Variants in AGAP1 observed in about 807,000 individuals in gnomAD.
AGAP1 encodes the protein ArfGAP with GTPase domain, ankyrin repeat and PH domain 1, also known as arf-GAP with GTPase, ANK repeat and PH domain-containing protein 1.
Under a neutral mutation model 105.3 loss-of-function variants are expected in AGAP1, and 29 were observed. That is an observed-to-expected ratio of 0.28 (90% CI 0.21 to 0.38). AGAP1 has a LOEUF of 0.38. Ranked by LOEUF, AGAP1 falls within the 10% of genes least tolerant of loss-of-function variation. The pLI is 1.00. For missense variants in AGAP1, 998 were observed against 1,165.1 expected, an observed-to-expected ratio of 0.86 and a Z score of 2.09; for synonymous variants, 509 against 485.9, an observed-to-expected ratio of 1.05 and a Z score of -0.63.
chr2:235,653,931 C>G (rs1447187348), intron 1 of AGAP1, among the ~76,000 whole-genome samples: 3 of 152,188 alleles, frequency 2.0e-5, no homozygotes, highest in Non-Finnish European at 4.4e-5. Context: ...TGGCAGGCGC[C>G]TGTAATCCCA....
intron 10 of AGAP1, among the ~76,000 whole-genome samples, chr2:235,890,830 A>G (rs1354977939): frequency 6.6e-6 from 1 of 152,088 alleles, no homozygotes; most frequent in Non-Finnish European, 1.5e-5. Context: ...GTGAGCTCTA[A>G]AACTTTCACC....
At chr2:235,767,227 G>T (rs1955034929) in intron 6 of AGAP1, among the ~76,000 whole-genome samples, 1 of 152,026 alleles carries the variant, frequency 6.6e-6, no homozygotes, top group Non-Finnish European at 1.5e-5. Context: ...CTTCTTTATA[G>T]AGTATAATAA....
intron 1 of AGAP1, among the ~76,000 whole-genome samples, chr2:235,598,436 A>C (rs199863704): frequency 6.6e-6 from 1 of 152,210 alleles, no homozygotes; most frequent in Non-Finnish European, 1.5e-5. Flanking sequence ...ACCAGAAATA[A>C]GCCATAGGAG....
At chr2:235,604,836 C>T (rs1945870212) in intron 1 of AGAP1, among the ~76,000 whole-genome samples, 1 of 151,666 alleles carries the variant, frequency 6.6e-6, no homozygotes, top group African/African-American at 2.4e-5. Flanking sequence ...CCCGCCTCTT[C>T]CTCCCAAAGT....
At chr2:236,081,683 T>TG (rs2058787320) in intron 16 of AGAP1, among the ~76,000 whole-genome samples, 1 of 151,958 alleles carries the variant, frequency 6.6e-6, no homozygotes, top group Admixed American at 6.6e-5. Flanking sequence ...TTTTTTTTTT[T>TG]TGCAGGGCAA....
At chr2:236,029,269 T>C (rs2057149614) in intron 13 of AGAP1, among the ~76,000 whole-genome samples, 1 of 150,324 alleles carries the variant, frequency 6.7e-6, no homozygotes, top group East Asian at 1.9e-4. Context: ...CTTCCTGAAA[T>C]ACATCCTTTT....
chr2:236,116,118 T>C (rs1024400651), intron 16 of AGAP1, among the ~76,000 whole-genome samples: 8 of 148,094 alleles, frequency 5.4e-5, no homozygotes, highest in Non-Finnish European at 1.0e-4. Context: ...AAACTTTTGT[T>C]TTTTTGTTTG....
rs1378984007 is a variant in AGAP1 at position 236,045,498 on chromosome 2, G to A, written c.1892-3561G>A. The stretch of plus-strand genomic sequence containing the variant: ...CCTCATTTCTCTGGAGGGGAGCTGA[G>A]GCCCGGAGAGCAAGAGGCTTGCAGA... On this transcript the variant is annotated intron_variant, in intron 15 of 17. Transcript: ENST00000304032. The surrounding 1 kb of genome is among the most constrained non-coding windows in gnomAD (Gnocchi z 6.9). Among the ~76,000 whole-genome samples the A allele has an allele frequency of 6.6e-6, 1 of 152,238 alleles. No homozygotes were observed. Among genetic ancestry groups the A allele is most frequent in the Non-Finnish European group, 1.5e-5 (1 of 68,050 alleles).
rs1445663625 is a variant in AGAP1 at position 236,073,836 on chromosome 2, A to C, written c.2114+24555A>C. Among the ~76,000 whole-genome samples the C allele has an allele frequency of 6.6e-6, 1 of 152,096 alleles. No individual in the cohort carries two copies. The highest frequency in any genetic ancestry group is 2.4e-5 in the African/African-American group (1 of 41,412). On this transcript the variant is annotated intron_variant, in intron 16 of 17. Transcript: ENST00000304032. This position sits in a 1 kb window ranked among gnomAD's most constrained non-coding sequence, Gnocchi z 5.4. ...CTTCTCAACACACTTTAGAATCTGCAGGAGACCTGCAGCCCCCCACCAGAC... is the reference window on the plus strand; with the variant it reads ...CTTCTCAACACACTTTAGAATCTGCCGGAGACCTGCAGCCCCCCACCAGAC...
intron 16 of AGAP1, among the ~76,000 whole-genome samples, chr2:236,079,637 A>G (rs1200061835): frequency 6.6e-6 from 1 of 152,100 alleles, no homozygotes; most frequent in Non-Finnish European, 1.5e-5. Context: ...CAAAATCTGC[A>G]GCAGGGGTAG....
At chr2:236,075,245 G>C (rs775067461) in intron 16 of AGAP1, among the ~76,000 whole-genome samples, 1 of 151,964 alleles carries the variant, frequency 6.6e-6, no homozygotes, top group Admixed American at 6.6e-5. Flanking sequence ...TGATGGTTGC[G>C]CGCTGGGTTT....
chr2:235,501,735 C>G (rs1010770633), intron 1 of AGAP1, among the ~76,000 whole-genome samples: 1 of 152,070 alleles, frequency 6.6e-6, no homozygotes. Flanking sequence ...GATTTCGTTT[C>G]GTCTTATGTT....
intron 2 of AGAP1, among the ~76,000 whole-genome samples, chr2:235,711,300 G>A (rs974297141): frequency 5.3e-5 from 8 of 152,206 alleles, no homozygotes; most frequent in African/African-American, 1.2e-4. Flanking sequence ...CTAACTGATC[G>A]TCAAGTATTG....
At chr2:235,755,914 A>T (rs1478695229) in intron 6 of AGAP1, among the ~76,000 whole-genome samples, 1 of 152,318 alleles carries the variant, frequency 6.6e-6, no homozygotes, top group African/African-American at 2.4e-5. Flanking sequence ...TTCAGCCTAC[A>T]TGCTGAAAGG....
At chr2:235,746,893 C>G (rs929456080) in intron 5 of AGAP1, among the ~76,000 whole-genome samples, 2 of 152,076 alleles carry the variant, frequency 1.3e-5, no homozygotes, top group Non-Finnish European at 2.9e-5. Flanking sequence ...GTTCTGTTCT[C>G]TGAGTTCTGA....
chr2:235,601,912 G>C lies in AGAP1; in HGVS notation c.163+107063G>C, dbSNP rs1008967478. ...CAGGTCACTGCAGTAACCTCTTAGC[G>C]GGCCTCCGTGCCCCATCCCAAAAGG... On this transcript the variant is annotated intron_variant, in intron 1 of 17. Transcript: ENST00000304032. This position sits in a 1 kb window ranked among gnomAD's most constrained non-coding sequence, Gnocchi z 4.4. Among the ~76,000 whole-genome samples, 2 of 152,116 alleles carry C rather than the reference G, an allele frequency of 1.3e-5. No homozygotes were observed. The highest frequency in any genetic ancestry group is 6.5e-5 in the Admixed American group (1 of 15,276).
In AGAP1 at chr2:235,970,436, C is replaced by T. The variant is rs942647996; in HGVS notation, c.1645+1813C>T. ...TGCCAAGCACGTGCAGCCACCCCTC[C>T]CTGATTGGGAAGAAGGTTAGCCTCC... On this transcript the variant is annotated intron_variant, in intron 13 of 17. Transcript: ENST00000304032. The surrounding 1 kb of genome is among the most constrained non-coding windows in gnomAD (Gnocchi z 5.4). 6.6e-6 allele frequency among the ~76,000 whole-genome samples: 1 copy of T among 152,136 alleles called. No individual in the cohort carries two copies. The highest frequency in any genetic ancestry group is 1.5e-5 in the Non-Finnish European group (1 of 68,018).
chr2:236,078,843 C>T lies in AGAP1; in HGVS notation c.2114+29562C>T, dbSNP rs1030026917. ...CTACCCCTGCAGCGGCCCCATCCCA[C>T]GTGGTTAAGTGGGTGGCCACACCCA... On this transcript the variant is annotated intron_variant, in intron 16 of 17. Transcript: ENST00000304032. This position sits in a 1 kb window ranked among gnomAD's most constrained non-coding sequence, Gnocchi z 5.3. 1.3e-5 allele frequency among the ~76,000 whole-genome samples: 2 copies of T among 152,304 alleles called. No individual in the cohort carries two copies. The highest frequency in any genetic ancestry group is 2.9e-5 in the Non-Finnish European group (2 of 68,018).
intron 1 of AGAP1, among the ~76,000 whole-genome samples, chr2:235,602,562 G>A (rs1220856353): frequency 2.0e-5 from 3 of 152,124 alleles, no homozygotes; most frequent in African/African-American, 4.8e-5. Context: ...GTGCCCTTCC[G>A]CTTCCTGCAT....
Sources: allele counts gnomAD v4.1 joint callset (sites outside exome capture counted in the v4.1 genomes callset), GRCh38; gene constraint gnomAD v4.1.1; non-coding constraint Gnocchi (gnomAD v3.1); transcripts MANE v1.5; gene names NCBI Gene and HGNC (gene_info 2026-07-23, HGNC 2026-07-21).